Variants in PCDHGB1 observed in about 807,000 individuals in gnomAD.
The protein encoded by PCDHGB1 is protocadherin gamma-B1.
PCDHGB1 carries 34 observed loss-of-function variants against 56.6 expected under a neutral mutation model. The ratio of observed to expected loss-of-function variants is 0.60; its 90% CI spans 0.46 to 0.80. The LOEUF is 0.80. Among genes scored for constraint, PCDHGB1 ranks in the 30% least tolerant of loss-of-function variants. The pLI is 0.00. For missense variants in PCDHGB1, 1,278 were observed against 1,204.6 expected, an observed-to-expected ratio of 1.06 and a Z score of -0.90; for synonymous variants, 561 against 505.9, an observed-to-expected ratio of 1.11 and a Z score of -1.46.
rs778851755 is a variant in PCDHGB1, at chr5:141,477,795, G to A, written c.2410-17012G>A. ...AGCGTGAACATATTTGTCACTGATC[G>A]CAATGACAATGCCCCCCAGGTCCTA... On this transcript the variant is annotated intron_variant, in intron 1 of 3. Coordinates refer to ENST00000523390, the MANE Select transcript of PCDHGB1 (RefSeq NM_018922.3). This position sits in a 1 kb window ranked among gnomAD's most constrained non-coding sequence, Gnocchi z 4.9. The A allele has an allele frequency of 3.1e-6, 5 of 1,613,946 alleles. No individual in the cohort carries two copies. In the African/African-American group the frequency reaches 6.7e-5, roughly 22 times the overall value.
intron 1 of PCDHGB1, chr5:141,365,288 G>T (rs1293975471): frequency 1.2e-6 from 2 of 1,613,842 alleles, no homozygotes; most frequent in African/African-American, 2.7e-5. Context: ...CATGGAAGTG[G>T]TAGCTCAGGA....
At chr5:141,471,495 T>A (rs539663010) in intron 1 of PCDHGB1, 1 of 152,318 alleles carries the variant, frequency 6.6e-6, no homozygotes, top group East Asian at 1.9e-4. Flanking sequence ...ATTTAGGGAA[T>A]GCAAGAGAGG....
intron 1 of PCDHGB1, chr5:141,396,034 A>G (rs968115375): frequency 1.3e-5 from 2 of 152,256 alleles, no homozygotes; most frequent in African/African-American, 2.4e-5. Context: ...ATGTAAGAAC[A>G]TATTTCAATA....
chr5:141,362,638 T>C, intron 1 of PCDHGB1: 5 of 1,469,888 alleles, frequency 3.4e-6, no homozygotes, highest in Non-Finnish European at 4.5e-6. Context: ...CGTATTTCTT[T>C]GTCTGTGAGT....
chr5:141,424,504 G>A (rs1357608806), intron 1 of PCDHGB1: 2 of 152,134 alleles, frequency 1.3e-5, no homozygotes, highest in East Asian at 1.9e-4. Flanking sequence ...TGTATGGAAG[G>A]TTTTTTAATG....
At chr5:141,403,616 C>G (rs2094434764) in intron 1 of PCDHGB1, 11 of 1,613,892 alleles carry the variant, frequency 6.8e-6, no homozygotes, top group Non-Finnish European at 9.3e-6. Flanking sequence ...CGAGCCGCGT[C>G]GCTCCAGCAC....
rs762320091 is a variant in PCDHGB1 at position 141,352,174 on chromosome 5, G to T, written c.1914G>T (p.Leu638=). The change falls in exon 1 of 4, where the codon CTG becomes CTT. Residue 638 remains leucine (L), a synonymous_variant. Transcript: ENST00000523390. ...LGDRDAARQR[L]LVAVRDGGQP... ...ACAGGGACGCGGCCCGCCAGCGCCT[G>T]CTGGTCGCTGTGCGTGATGGAGGAC... 7 of 1,613,660 alleles carry T rather than the reference G, an allele frequency of 4.3e-6. No individual in the cohort carries two copies. The highest frequency in any genetic ancestry group is 5.1e-6 in the Non-Finnish European group (6 of 1,179,824).
At chr5:141,388,703 C>T in intron 1 of PCDHGB1, 1 of 1,613,982 alleles carries the variant, frequency 6.2e-7, no homozygotes, top group Non-Finnish European at 8.5e-7. Context: ...ATGAGGGTGT[C>T]AATGCCGAGA....
intron 1 of PCDHGB1, chr5:141,414,815 G>T (rs1437985019): frequency 2.2e-5 from 35 of 1,614,236 alleles, no homozygotes; most frequent in Non-Finnish European, 2.9e-5. Flanking sequence ...CCTCCACTCA[G>T]CAGCAACGTG....
chr5:141,375,941 G>T, intron 1 of PCDHGB1: 1 of 1,613,580 alleles, frequency 6.2e-7, no homozygotes, highest in South Asian at 1.1e-5. Flanking sequence ...TTTCTCAGTG[G>T]GCCTGCACAC....
rs1596285501 is a variant in PCDHGB1, at chr5:141,510,367, C to A, written c.2558-580C>A. Among the ~76,000 whole-genome samples the A allele has an allele frequency of 5.0e-5, 7 of 140,362 alleles. 1 individual carries two copies. In the South Asian group the frequency reaches 1.6e-3, roughly 31 times the overall value. The allele number at this position is 140,362 out of a possible 152,430, so 92.1% of individuals were successfully genotyped here. A position where few individuals can be genotyped will look rare whatever the true frequency, so the allele number is the denominator to read the frequency against. On this transcript the variant is annotated intron_variant, in intron 3 of 3. Transcript: ENST00000523390. ...ACACTTACTAACGGAACTACCGAAT[C>A]TCTACTCGTGCCAGGCCTTGCTTGG...
At chr5:141,427,602 A>G (rs1415454468) in intron 1 of PCDHGB1, 1 of 685,668 alleles carries the variant, frequency 1.5e-6, no homozygotes, top group Non-Finnish European at 2.7e-6. Flanking sequence ...CACCCTACGC[A>G]TTGGTGAAGT....
intron 1 of PCDHGB1, chr5:141,415,573 G>T (rs375863243): frequency 1.9e-6 from 3 of 1,614,022 alleles, no homozygotes; most frequent in South Asian, 2.2e-5. Context: ...TTTGTTAGAT[G>T]ATTCGAAGTT....
intron 1 of PCDHGB1, chr5:141,388,516 C>T (rs755004350): frequency 4.3e-6 from 7 of 1,613,864 alleles, no homozygotes; most frequent in South Asian, 3.3e-5. Context: ...TACCACTTGA[C>T]TTTGACTGCC....
At chr5:141,474,834 A>G (rs557557147) in intron 1 of PCDHGB1, among the ~76,000 whole-genome samples, 4 of 152,380 alleles carry the variant, frequency 2.6e-5, no homozygotes, top group South Asian at 4.1e-4. Context: ...ACTCTGTGCC[A>G]GGCACTTTAC....
intron 1 of PCDHGB1, chr5:141,370,493 C>T: frequency 6.2e-7 from 1 of 1,613,944 alleles, no homozygotes; most frequent in Non-Finnish European, 8.5e-7. Flanking sequence ...CCGAACCGAT[C>T]CGCTACGCTA....
intron 1 of PCDHGB1, chr5:141,418,919 G>C: frequency 6.2e-7 from 1 of 1,614,016 alleles, no homozygotes. Flanking sequence ...GTCACTCTCT[G>C]ATCAGATTAT....
At position 141,351,871 on chromosome 5, in the gene PCDHGB1, G is replaced by T; in HGVS notation, c.1611G>T (p.Ala537=). 1 of 1,613,256 alleles carries T rather than the reference G, an allele frequency of 6.2e-7. No homozygotes were observed. The highest frequency in any genetic ancestry group is 8.5e-7 in the Non-Finnish European group (1 of 1,179,736). ...TLQARDQGSP[A]LSANVSLRVL... ...AGGCCAGGGACCAGGGCTCCCCCGC[G>T]CTCAGCGCCAACGTGAGCCTGCGCG... The change falls in exon 1 of 4, where the codon GCG becomes GCT. Residue 537 remains alanine (A), a synonymous_variant. Transcript: ENST00000523390.
Position 141,355,978 on chromosome 5 carries a change from C to T in PCDHGB1, c.2409+3309C>T, listed in dbSNP as rs771818833. On this transcript the variant is annotated intron_variant, in intron 1 of 3. Transcript: ENST00000523390. ...TCGTGAGAACGTTCCTGTAGGCACT[C>T]GGCTACTCACCGTAAAAGCCACTGA... 8 of 1,613,708 alleles carry T rather than the reference C, an allele frequency of 5.0e-6. No homozygotes were observed. In the Admixed American group the frequency reaches 1.2e-4, roughly 24 times the overall value.
Sources: gnomAD v4.1 joint callset for allele counts (sites outside exome capture counted in the v4.1 genomes callset) on GRCh38, gnomAD v4.1.1 for gene constraint, Gnocchi (gnomAD v3.1) non-coding constraint, MANE v1.5 for transcripts, NCBI Gene and HGNC (gene_info 2026-07-23, HGNC 2026-07-21) for gene names.